COMMD1: variants seen among roughly 807,000 people sequenced by gnomAD.
The protein encoded by COMMD1 is copper metabolism domain containing 1.
Under a neutral mutation model 17.2 loss-of-function variants are expected in COMMD1, and 10 were observed. That is an observed-to-expected ratio of 0.58 (90% confidence interval 0.36 to 0.99). The LOEUF (loss-of-function observed/expected upper bound fraction) is 0.99, where lower values mean the gene tolerates loss of function less well. Among genes scored for constraint, COMMD1 ranks in the 50% least tolerant of loss-of-function variants. COMMD1 has a pLI of 0.01. For missense variants in COMMD1, 270 were observed against 231.8 expected, an observed-to-expected ratio of 1.17 and a Z score of -1.07; for synonymous variants, 97 against 91.6, an observed-to-expected ratio of 1.06 and a Z score of -0.34.
intron 1 of COMMD1, among the ~76,000 whole-genome samples, chr2:61,991,955 T>G (rs13427465): frequency 4.9e-4 from 75 of 152,288 alleles, no homozygotes; most frequent in African/African-American, 1.6e-3. Flanking sequence ...TTCTTATAAT[T>G]CACATATAAT....
chr2:61,946,993 G>T (rs1670923940), intron 1 of COMMD1, among the ~76,000 whole-genome samples: 1 of 152,108 alleles, frequency 6.6e-6, no homozygotes, highest in Non-Finnish European at 1.5e-5. Flanking sequence ...TTATTTTACA[G>T]GGAAATCTAG....
chr2:61,975,104 T>C (rs1391221126), intron 1 of COMMD1, among the ~76,000 whole-genome samples: 2 of 148,634 alleles, frequency 1.3e-5, no homozygotes, highest in African/African-American at 4.9e-5. Context: ...CATGGCTCGA[T>C]AGCTCATTTC....
intron 1 of COMMD1, among the ~76,000 whole-genome samples, chr2:61,930,172 C>T (rs2105206925): frequency 6.6e-6 from 1 of 152,276 alleles, no homozygotes; most frequent in African/African-American, 2.4e-5. Context: ...GTTGGCAGAA[C>T]TTGTAAAGTG....
At chr2:61,905,650 G>C, upstream of COMMD1, 1 of 1,521,410 alleles carries the variant, frequency 6.6e-7, no homozygotes, top group Non-Finnish European at 8.9e-7. Flanking sequence ...GCACGGCTCA[G>C]CTGTTGCGGG....
At chr2:61,913,366 C>CA (rs767142777) in intron 1 of COMMD1, among the ~76,000 whole-genome samples, 4,776 of 41,496 alleles carry the variant, frequency 0.12, 445 homozygotes, top group African/African-American at 0.28. Context: ...GACTCCATCT[C>CA]AAAAAAAAAA....
chr2:62,078,704 T>TA lies in COMMD1; in HGVS notation c.463-57122dup, dbSNP rs767757711. Among the ~76,000 whole-genome samples, 10 of 148,538 alleles carry TA rather than the reference T, an allele frequency of 6.7e-5. No homozygotes were observed. In the Admixed American group the frequency reaches 6.7e-4, roughly 10 times the overall value. ...CAGCATGGTGAAACTCTATCTCTAT[T>TA]AAAAATTAAAAAATAAAATAAAAGT... On this transcript the variant is annotated intron_variant, in intron 2 of 2. Coordinates refer to ENST00000311832, the MANE Select transcript of COMMD1 (RefSeq NM_152516.4).
intron 2 of COMMD1, among the ~76,000 whole-genome samples, chr2:62,032,233 T>A (rs1342492896): frequency 6.6e-6 from 1 of 152,192 alleles, no homozygotes; most frequent in African/African-American, 2.4e-5. Flanking sequence ...AATCTGACTG[T>A]GCCAGAAACC....
chr2:61,962,702 C>A (rs1349826712), intron 1 of COMMD1, among the ~76,000 whole-genome samples: 5 of 152,060 alleles, frequency 3.3e-5, no homozygotes, highest in African/African-American at 9.7e-5. Flanking sequence ...CCCTGGTGAA[C>A]AGTACTCTGT....
intron 1 of COMMD1, among the ~76,000 whole-genome samples, chr2:61,992,611 A>G (rs1382070457): frequency 6.6e-6 from 1 of 152,190 alleles, no homozygotes; most frequent in Non-Finnish European, 1.5e-5. Flanking sequence ...CTTTTACAGA[A>G]AACTTGCCAA....
At chr2:61,986,937 TC>T in intron 1 of COMMD1, among the ~76,000 whole-genome samples, 1 of 152,288 alleles carries the variant, frequency 6.6e-6, no homozygotes, top group East Asian at 1.9e-4. Flanking sequence ...ACTAATTCTT[TC>T]TTTTGCTTGA....
At chr2:61,917,356 TAA>T (rs746867252) in intron 1 of COMMD1, among the ~76,000 whole-genome samples, 7 of 138,520 alleles carry the variant, frequency 5.1e-5, no homozygotes, top group Non-Finnish European at 9.5e-5. Context: ...GACTCCAGTT[TAA>T]AAAAAAAAAA....
chr2:61,929,931 CA>C (rs762661019), intron 1 of COMMD1, among the ~76,000 whole-genome samples: 1,395 of 138,162 alleles, frequency 0.01, 17 homozygotes, highest in African/African-American at 0.026. Flanking sequence ...GACCCTGTCT[CA>C]AAAAAAAAAA....
chr2:62,027,656 GTTGTGTTA>G (rs1180271157), intron 2 of COMMD1, among the ~76,000 whole-genome samples: 38 of 132,026 alleles, frequency 2.9e-4, no homozygotes, highest in African/African-American at 1.0e-3. Flanking sequence ...GTTATGTTAT[GTTGTGTTA>G]TGTTATGTTA....
intron 1 of COMMD1, among the ~76,000 whole-genome samples, chr2:61,909,188 A>T (rs1669844706): frequency 6.6e-6 from 1 of 152,146 alleles, no homozygotes; most frequent in South Asian, 2.1e-4. Flanking sequence ...TCGGCCTCCC[A>T]AAGTGCTGAT....
intron 2 of COMMD1, among the ~76,000 whole-genome samples, chr2:62,088,633 C>G (rs1048818300): frequency 6.6e-6 from 1 of 152,204 alleles, no homozygotes; most frequent in African/African-American, 2.4e-5. Flanking sequence ...TCCTCTTTTC[C>G]TGGTTTCTAA....
intron 2 of COMMD1, among the ~76,000 whole-genome samples, chr2:62,027,732 G>C (rs561655323): frequency 6.6e-6 from 1 of 152,180 alleles, no homozygotes; most frequent in African/African-American, 2.4e-5. Flanking sequence ...GGAGTACAGT[G>C]GTACTATCTC....
intron 2 of COMMD1, among the ~76,000 whole-genome samples, chr2:62,042,897 T>C (rs1335698331): frequency 6.6e-6 from 1 of 152,256 alleles, no homozygotes; most frequent in Non-Finnish European, 1.5e-5. Flanking sequence ...CCTTTGTCTC[T>C]GAAGGTATTT....
At chr2:62,066,489 G>A (rs1671045040) in intron 2 of COMMD1, among the ~76,000 whole-genome samples, 2 of 149,754 alleles carry the variant, frequency 1.3e-5, no homozygotes, top group African/African-American at 2.5e-5. Flanking sequence ...AGGCTGGAGT[G>A]CAGTGGTGCG....
chr2:61,926,118 C>T (rs890622696), intron 1 of COMMD1, among the ~76,000 whole-genome samples: 9 of 151,968 alleles, frequency 5.9e-5, no homozygotes, highest in Non-Finnish European at 1.0e-4. Flanking sequence ...CTACAGGTCC[C>T]TACCACCACG....
Sources: gnomAD v4.1 joint callset for allele counts (sites outside exome capture counted in the v4.1 genomes callset) on GRCh38, gnomAD v4.1.1 for gene constraint, MANE v1.5 for transcripts, NCBI Gene and HGNC (gene_info 2026-07-23, HGNC 2026-07-21) for gene names.